DSG2: variants seen among roughly 807,000 people sequenced by gnomAD.
The protein encoded by DSG2 is desmoglein 2, also known as desmoglein-2.
In DSG2, 45 loss-of-function variants were observed where a neutral mutation model predicts 75.6. That is an observed-to-expected ratio of 0.60 (90% CI 0.47 to 0.76). DSG2 has a LOEUF of 0.76. DSG2 is among the 30% of genes least tolerant of loss of function. DSG2 has a pLI of 0.00. For synonymous variants in DSG2, 429 were observed against 483.9 expected (o/e 0.89, Z 1.49); for missense variants, 1,267 against 1,357.4 (o/e 0.93, Z 1.05).
chr18:31,534,059 C>T (rs542540152), intron 9 of DSG2, among the ~76,000 whole-genome samples: 17 of 146,374 alleles, frequency 1.2e-4, no homozygotes, highest in Middle Eastern at 3.6e-3. Flanking sequence ...GGCACGATCT[C>T]GGCTTACTGC....
intron 12 of DSG2, 46 bp downstream of exon 12, chr18:31,539,024 G>T: frequency 6.5e-7 from 1 of 1,548,564 alleles, no homozygotes; most frequent in Non-Finnish European, 8.9e-7. Context: ...GAATCTGAGT[G>T]CACTCCTGGA....
chr18:31,507,644 A>G (rs1185237311), intron 1 of DSG2, among the ~76,000 whole-genome samples: 1 of 152,018 alleles, frequency 6.6e-6, no homozygotes, highest in Non-Finnish European at 1.5e-5. Context: ...ATGGTATCTC[A>G]TTGTGGTTTT....
Position 31,546,610 on chromosome 18 carries a change from C to T in DSG2, c.3224C>T (p.Thr1075Met), listed in dbSNP as rs943749481. The stretch of plus-strand genomic sequence containing the variant: ...AATTCTATGACGGCTAGGAACACCA[C>T]GGTGTCTGGAGCTGGAGTCCCTGGC... ...TENSMTARNT[T>M]VSGAGVPGPL... The change falls in exon 15 of 15, where the codon ACG becomes ATG. Residue 1075 changes from threonine (T) to methionine (M), a missense_variant. By Grantham distance (81) the Thr-to-Met change is moderately conservative. Transcript: ENST00000261590. 10 of 1,614,200 alleles carry T rather than the reference C, an allele frequency of 6.2e-6. No homozygotes were observed. The highest frequency in any genetic ancestry group is 1.3e-5 in the African/African-American group (1 of 75,062).
In DSG2 at chr18:31,546,370, A is replaced by T. The variant is rs1253735579; in HGVS notation, c.2984A>T (p.His995Leu). 5 of 1,614,062 alleles carry T rather than the reference A, an allele frequency of 3.1e-6. No homozygotes were observed. The highest frequency in any genetic ancestry group is 4.2e-6 in the Non-Finnish European group (5 of 1,179,964). Residue 995 changes from histidine to leucine, a missense_variant, in exon 15 of 15, where the codon CAT (histidine) becomes CTT (leucine). Transcript: ENST00000261590. The part of the protein sequence containing the change: ...VVVTERVIQP[H>L]GGGSNPLEGT... ...GTCACTGAAAGAGTAATACAGCCTCATGGGGGTGGATCGAATCCTCTGGAA... is the reference window on the plus strand; with the variant it reads ...GTCACTGAAAGAGTAATACAGCCTCTTGGGGGTGGATCGAATCCTCTGGAA...
rs774775322 is a variant in DSG2, at chr18:31,545,969, A to G, written c.2583A>G (p.Thr861=). 29 of 1,614,088 alleles carry G rather than the reference A, an allele frequency of 1.8e-5. No homozygotes were observed. The highest frequency in any genetic ancestry group is 2.4e-5 in the Non-Finnish European group (28 of 1,180,044). The change falls in exon 15 of 15, where the codon ACA becomes ACG. Residue 861 remains threonine, a synonymous_variant. Coordinates refer to ENST00000261590, the MANE Select transcript of DSG2 (RefSeq NM_001943.5). ...AGAGACAAAAACCTGCCACAGAAAC[A>G]AGTATGAACACAGCTTCACATTCAC... The part of the protein sequence containing the change: ...IEQRQKPATE[T]SMNTASHSLC...
chr18:31,519,907 G>T lies in DSG2; in HGVS notation c.186G>T (p.Glu62Asp), dbSNP rs772314972. 1 of 1,614,084 alleles carries T rather than the reference G, an allele frequency of 6.2e-7. No homozygotes were observed. Among genetic ancestry groups the T allele is most frequent in the Admixed American group, 1.7e-5 (1 of 60,022 alleles). Residue 62 changes from glutamate to aspartate, a missense_variant, in exon 3 of 15, where the codon GAG becomes GAT. Transcript: ENST00000261590. ...ITAPVALREG[E>D]DLSKKNPIAK... ...CCCCCGTGGCTCTTCGGGAGGGAGA[G>T]GATCTGTCCAAGAAGAATCCAATTG...
At chr18:31,507,350 C>T (rs548114429) in intron 1 of DSG2, among the ~76,000 whole-genome samples, 1 of 152,190 alleles carries the variant, frequency 6.6e-6, no homozygotes, top group East Asian at 1.9e-4. Context: ...GGGTTGGTTC[C>T]AAGTTTTTGC....
chr18:31,542,106 A>G (rs1168060495), intron 13 of DSG2: 4 of 266,530 alleles, frequency 1.5e-5, no homozygotes, highest in African/African-American at 8.9e-5. Flanking sequence ...CACATTGACC[A>G]CAGTTTAGTC....
At chr18:31,539,124 G>A in intron 12 of DSG2, 146 bp downstream of exon 12, 1 of 791,588 alleles carries the variant, frequency 1.3e-6, no homozygotes. Flanking sequence ...AACAACTGAT[G>A]ATTGGCAAAT....
In DSG2 at chr18:31,547,672, G is replaced by A. The variant is rs1361595596; in HGVS notation, c.*929G>A. 7 of 141,554 alleles carry A rather than the reference G, an allele frequency of 4.9e-5. No individual in the cohort carries two copies. The highest frequency in any genetic ancestry group is 2.0e-4 in the East Asian group (1 of 4,954). 8.8% of individuals were successfully genotyped at this position (141,554 alleles called of 1,614,324 possible). A position where few individuals can be genotyped will look rare whatever the true frequency, so the allele number is the denominator to read the frequency against. ...AGTCTGGGCAACAGAGTGAGATTCC[G>A]TCTCAAAAAAAAAAAGAAAAGGAAA... On this transcript the variant is annotated 3_prime_UTR_variant, in exon 15 of 15. Coordinates refer to ENST00000261590, the MANE Select transcript of DSG2 (RefSeq NM_001943.5).
Position 31,542,817 on chromosome 18 carries a change from C to G in DSG2, c.2299C>G (p.Leu767Val). The change falls in exon 14 of 15, where the codon CTG (leucine) becomes GTG (valine). Residue 767 changes from leucine (L) to valine (V), a missense_variant. Physicochemically the swap from Leu to Val is conservative, Grantham distance 32. Coordinates refer to ENST00000261590, the MANE Select transcript of DSG2 (RefSeq NM_001943.5). ...MAGAQAAAVA[L>V]NEEFLRNYFT... is the part of the protein sequence containing the mutation. Reference sequence around the variant, plus strand: ...CGGAGCTCAGGCAGCTGCTGTTGCACTGAACGAAGAATTCTTAAGAAATTA... The same window carrying G: ...CGGAGCTCAGGCAGCTGCTGTTGCAGTGAACGAAGAATTCTTAAGAAATTA... The G allele has an allele frequency of 6.4e-7, 1 of 1,561,400 alleles. No homozygotes were observed. The highest frequency in any genetic ancestry group is 8.6e-7 in the Non-Finnish European group (1 of 1,162,158).
chr18:31,531,409 C>G (rs2073198114), intron 9 of DSG2, among the ~76,000 whole-genome samples, 157 bp downstream of exon 9: 1 of 152,210 alleles, frequency 6.6e-6, no homozygotes, highest in African/African-American at 2.4e-5. Context: ...GTGTCTATAA[C>G]TGAGAGATGA....
chr18:31,512,673 G>T (rs1370184433), intron 1 of DSG2, among the ~76,000 whole-genome samples: 2 of 152,180 alleles, frequency 1.3e-5, no homozygotes, highest in Non-Finnish European at 2.9e-5. Flanking sequence ...ATTCACCACC[G>T]CATGGCCTGG....
At position 31,509,205 on chromosome 18, in the gene DSG2, CTA is replaced by C. The variant is rs1463664986; in HGVS notation, c.46-9032_46-9031del. 2.0e-5 allele frequency among the ~76,000 whole-genome samples: 3 copies of C among 152,250 alleles called. No homozygotes were observed. The South Asian group carries it at 6.2e-4, about 32-fold the overall frequency. On this transcript the variant is annotated intron_variant, in intron 1 of 14. Transcript: ENST00000261590. ...ATTGCTAAATGCATATTTTAAAATT[CTA>C]TGAGTTAATAAAAAGCTTTCAAAGA... is the stretch of plus-strand genomic sequence containing the variant.
intron 5 of DSG2, 40 bp from the exon 6 acceptor site, chr18:31,522,043 A>G: frequency 6.3e-7 from 1 of 1,586,086 alleles, no homozygotes; most frequent in South Asian, 1.1e-5. Context: ...ATATGCTTAA[A>G]GTTGAATTTC....
At chr18:31,542,901 G>GTA (rs1567933293) in intron 14 of DSG2, 49 bp downstream of exon 14, 1 of 1,041,138 alleles carries the variant, frequency 9.6e-7, no homozygotes, top group East Asian at 3.8e-5. Context: ...GGGAACATTT[G>GTA]TATGTGAATG....
intron 14 of DSG2, among the ~76,000 whole-genome samples, 175 bp from the exon 15 acceptor site, chr18:31,545,546 A>T (rs1439351705): frequency 1.3e-5 from 2 of 152,132 alleles, no homozygotes; most frequent in African/African-American, 4.8e-5. Flanking sequence ...TTTTTTAAGA[A>T]TACAGTCCAG....
At position 31,515,531 on chromosome 18, in the gene DSG2, A is replaced by G. The variant is rs1338796379; in HGVS notation, c.46-2708A>G. ...CATGCAGAGAGAAGTGATCTATCTCAGCATTGCTTTCCCTTGCTTTTCATA... is the reference window on the plus strand; with the variant it reads ...CATGCAGAGAGAAGTGATCTATCTCGGCATTGCTTTCCCTTGCTTTTCATA... On this transcript the variant is annotated intron_variant, in intron 1 of 14. Coordinates refer to ENST00000261590, the MANE Select transcript of DSG2 (RefSeq NM_001943.5). 3.9e-5 allele frequency among the ~76,000 whole-genome samples: 6 copies of G among 152,208 alleles called. No homozygotes were observed. In the East Asian group the frequency reaches 1.2e-3, roughly 29 times the overall value.
At chr18:31,527,881 C>T (rs557399733) in intron 8 of DSG2, among the ~76,000 whole-genome samples, 1 of 152,330 alleles carries the variant, frequency 6.6e-6, no homozygotes, top group African/African-American at 2.4e-5. Flanking sequence ...ACAGTGCCTT[C>T]TTGTTGTATC....
Sources: allele counts gnomAD v4.1 joint callset (sites outside exome capture counted in the v4.1 genomes callset), GRCh38; gene constraint gnomAD v4.1.1; transcripts MANE v1.5; gene names NCBI Gene and HGNC (gene_info 2026-07-23, HGNC 2026-07-21).